GPHN: variants seen among roughly 807,000 people sequenced by gnomAD.
GPHN encodes the protein gephyrin.
In GPHN, 17 loss-of-function variants were observed where a neutral mutation model predicts 95.5. The ratio of observed to expected loss-of-function variants is 0.18; its 90% confidence interval spans 0.12 to 0.27. The LOEUF (loss-of-function observed/expected upper bound fraction) is 0.27. Ranked by LOEUF, GPHN falls within the 10% of genes least tolerant of loss-of-function variation. The pLI, the probability that GPHN is intolerant of heterozygous loss-of-function variation, is 1.00. For synonymous variants in GPHN, 320 were observed against 322.5 expected (o/e 0.99, Z 0.08); for missense variants, 660 against 978.1 (o/e 0.67, Z 4.34).
At chr14:67,323,924 A>G in the GPHN span, 1 of 608,042 alleles carries the variant, frequency 1.6e-6, no homozygotes, top group Non-Finnish European at 2.9e-6. Context: ...CAAACTGATT[A>G]TTTTTTCTGT....
chr14:67,196,695 G>T, the GPHN span: 3 of 152,104 alleles, frequency 2.0e-5, no homozygotes, highest in Admixed American at 1.3e-4. Flanking sequence ...CCACTGTTTG[G>T]CAGTTTCAGG....
the GPHN span, among the ~76,000 whole-genome samples, chr14:67,433,120 C>T: frequency 2.0e-5 from 3 of 152,124 alleles, no homozygotes; most frequent in Admixed American, 2.0e-4. Context: ...CCAGCCATGT[C>T]CCAACCCAGG....
chr14:67,290,604 C>T, the GPHN span, among the ~76,000 whole-genome samples: 1 of 152,182 alleles, frequency 6.6e-6, no homozygotes, highest in South Asian at 2.1e-4. Flanking sequence ...CACCATGTTG[C>T]CCAGGCTGGT....
chr14:66,737,143 T>C (rs2072366998), intron 2 of GPHN, among the ~76,000 whole-genome samples: 1 of 152,238 alleles, frequency 6.6e-6, no homozygotes. Context: ...TACAGTATTT[T>C]TAGGTCTGGT....
At chr14:66,795,135 G>C (rs2153473647) in intron 3 of GPHN, among the ~76,000 whole-genome samples, 1 of 152,214 alleles carries the variant, frequency 6.6e-6, no homozygotes, top group Middle Eastern at 3.4e-3. Context: ...CTATCTTACT[G>C]GGTATTGACA....
intron 10 of GPHN, among the ~76,000 whole-genome samples, chr14:67,045,210 C>T (rs1454839118): frequency 1.3e-5 from 2 of 152,214 alleles, no homozygotes; most frequent in East Asian, 3.8e-4. Flanking sequence ...CAAGCCCTGT[C>T]CGTTCTGTCT....
chr14:67,416,109 C>T, the GPHN span, among the ~76,000 whole-genome samples: 2,013 of 152,300 alleles, frequency 0.013, 64 homozygotes, highest in Admixed American at 0.056. Flanking sequence ...CTGCACATCC[C>T]GCACATGTAC....
At chr14:66,897,728 T>C (rs2064929932) in intron 5 of GPHN, among the ~76,000 whole-genome samples, 1 of 152,124 alleles carries the variant, frequency 6.6e-6, no homozygotes, top group East Asian at 1.9e-4. Context: ...TGTTCAACCA[T>C]TTTCTGTTGA....
the GPHN span, among the ~76,000 whole-genome samples, chr14:67,191,497 T>A: frequency 6.6e-6 from 1 of 152,210 alleles, no homozygotes; most frequent in Non-Finnish European, 1.5e-5. Context: ...GCTTTTCAGA[T>A]TCCCACTCTC....
the GPHN span, among the ~76,000 whole-genome samples, chr14:67,627,187 G>T: frequency 1.3e-5 from 2 of 149,520 alleles, no homozygotes; most frequent in African/African-American, 2.5e-5. Flanking sequence ...AATTCTAAAA[G>T]GATGAATTTT....
intron 20 of GPHN, among the ~76,000 whole-genome samples, chr14:67,166,035 A>G (rs1302938036): frequency 6.6e-6 from 1 of 152,088 alleles, no homozygotes; most frequent in African/African-American, 2.4e-5. Flanking sequence ...AAAATAACCT[A>G]TTTCTTTAAG....
chr14:67,548,653 T>C, the GPHN span, among the ~76,000 whole-genome samples: 1 of 152,112 alleles, frequency 6.6e-6, no homozygotes. Flanking sequence ...GCCAAGATTG[T>C]GCCATTGCAC....
chr14:67,305,683 A>C, the GPHN span, among the ~76,000 whole-genome samples: 1 of 152,248 alleles, frequency 6.6e-6, no homozygotes, highest in African/African-American at 2.4e-5. Flanking sequence ...TCGAAGTGTT[A>C]CATTGAAACT....
In GPHN at chr14:67,089,874, C is replaced by T. The variant is rs2077076981; in HGVS notation, c.1237+799C>T. 2.0e-5 allele frequency among the ~76,000 whole-genome samples: 3 copies of T among 152,098 alleles called. No homozygotes were observed. In the South Asian group the frequency reaches 6.2e-4, roughly 32 times the overall value. ...TGCCTAAATTCCAATCTAAGAACCC[C>T]AAATGTAAATTCTGAATTGCTTAGA... On this transcript the variant is annotated intron_variant, in intron 12 of 22. Transcript: ENST00000478722.
chr14:66,811,556 AAAAAG>A (rs60949302), intron 3 of GPHN, among the ~76,000 whole-genome samples: 3,238 of 142,850 alleles, frequency 0.023, 109 homozygotes, highest in African/African-American at 0.087. Context: ...CAAAAAAAAA[AAAAAG>A]AAACAAAATA....
intron 17 of GPHN, among the ~76,000 whole-genome samples, chr14:67,140,012 T>G (rs1385219969): frequency 3.9e-5 from 6 of 152,136 alleles, no homozygotes; most frequent in African/African-American, 1.4e-4. Context: ...TTCTGCAAAT[T>G]AGAAAATTTC....
At chr14:67,598,734 G>C in the GPHN span, among the ~76,000 whole-genome samples, 1 of 136,912 alleles carries the variant, frequency 7.3e-6, no homozygotes, top group East Asian at 2.1e-4. Context: ...TTTTGAGACA[G>C]AGTCTCCCTC....
At chr14:67,136,954 G>A (rs375096104) in intron 17 of GPHN, among the ~76,000 whole-genome samples, 274 of 152,058 alleles carry the variant, frequency 1.8e-3, no homozygotes, top group African/African-American at 6.3e-3. Flanking sequence ...TGGGAGGCCA[G>A]GAGTTCAAGA....
chr14:67,180,014 C>G (rs747556661), intron 22 of GPHN, among the ~76,000 whole-genome samples: 3 of 152,152 alleles, frequency 2.0e-5, no homozygotes, highest in Non-Finnish European at 4.4e-5. Context: ...GGAGGAGATT[C>G]TAGCTATACC....
Sources: gnomAD v4.1 joint callset for allele counts (sites outside exome capture counted in the v4.1 genomes callset) on GRCh38, gnomAD v4.1.1 for gene constraint, MANE v1.5 for transcripts, NCBI Gene and HGNC (gene_info 2026-07-23, HGNC 2026-07-21) for gene names.